Variants in ANO2 observed in about 807,000 individuals in gnomAD.
ANO2 encodes anoctamin-2.
In ANO2, 101 loss-of-function variants were observed where a neutral mutation model predicts 124.2. The ratio of observed to expected loss-of-function variants is 0.81; its 90% confidence interval spans 0.69 to 0.96. The LOEUF is 0.96. Among genes scored for constraint, ANO2 ranks in the 40% least tolerant of loss-of-function variants. The pLI, the probability that ANO2 is intolerant of heterozygous loss-of-function variation, is 0.00. For synonymous variants in ANO2, 486 were observed against 482.5 expected, an observed-to-expected ratio of 1.01 and a Z score of -0.09; for missense variants, 1,293 against 1,274.5, an observed-to-expected ratio of 1.01 and a Z score of -0.22.
intron 1 of ANO2, among the ~76,000 whole-genome samples, chr12:5,939,544 T>C (rs1342832675): frequency 6.6e-6 from 1 of 152,198 alleles, no homozygotes; most frequent in African/African-American, 2.4e-5. Context: ...TGGGAAAGGC[T>C]CTGTTGAGCA....
chr12:5,575,434 C>T (rs1163473980), intron 23 of ANO2, among the ~76,000 whole-genome samples: 1 of 152,140 alleles, frequency 6.6e-6, no homozygotes, highest in Non-Finnish European at 1.5e-5. Flanking sequence ...TGTTGCTTAA[C>T]GATGGGGATA....
At chr12:5,893,974 G>A (rs1939597856) in intron 3 of ANO2, among the ~76,000 whole-genome samples, 1 of 152,026 alleles carries the variant, frequency 6.6e-6, no homozygotes, top group Non-Finnish European at 1.5e-5. Context: ...CTTTATAGTA[G>A]AACAATTTAT....
chr12:5,612,959 C>T lies in ANO2; in HGVS notation c.1929-1G>A. 6.2e-7 allele frequency: 1 copy of T among 1,613,918 alleles called. No individual in the cohort carries two copies. The highest frequency in any genetic ancestry group is 8.5e-7 in the Non-Finnish European group (1 of 1,179,850). ...GTAGCTTCCAGGCCTGCCCACAAAC[C>T]TGAAATCAAACAGTGTGGGAAGAGT... On this transcript the variant is annotated splice_acceptor_variant, in intron 17 of 24. Transcript: ENST00000682330. LOFTEE classifies it high-confidence loss of function.
intron 14 of ANO2, among the ~76,000 whole-genome samples, chr12:5,664,023 T>C (rs921406807): frequency 9.9e-5 from 15 of 152,196 alleles, no homozygotes; most frequent in Non-Finnish European, 1.5e-5. Context: ...GGCCAGGATA[T>C]TATGGAAGCA....
intron 23 of ANO2, among the ~76,000 whole-genome samples, chr12:5,572,572 TTGTC>T (rs1348673305): frequency 2.6e-5 from 4 of 152,234 alleles, no homozygotes; most frequent in Non-Finnish European, 4.4e-5. Context: ...TGTTTACTTA[TTGTC>T]TGCTCCATCT....
chr12:5,889,357 C>T (rs915455995), intron 3 of ANO2, among the ~76,000 whole-genome samples: 4 of 152,268 alleles, frequency 2.6e-5, no homozygotes, highest in Admixed American at 2.0e-4. Context: ...CGAGAGCGAG[C>T]GAGGGCTGCA....
intron 7 of ANO2, among the ~76,000 whole-genome samples, chr12:5,818,070 A>T (rs1436905518): frequency 1.3e-5 from 2 of 152,152 alleles, no homozygotes; most frequent in Non-Finnish European, 2.9e-5. Flanking sequence ...AGAAGAAAAA[A>T]ACATGAACTA....
chr12:5,897,436 G>A (rs1939866053), intron 3 of ANO2, among the ~76,000 whole-genome samples: 1 of 152,240 alleles, frequency 6.6e-6, no homozygotes, highest in Admixed American at 6.5e-5. Context: ...GCAGATTGGA[G>A]TAGGCTGAGT....
chr12:5,730,210 G>A (rs1166217344), intron 14 of ANO2, among the ~76,000 whole-genome samples: 1 of 152,010 alleles, frequency 6.6e-6, no homozygotes. Context: ...ATTGAATTGT[G>A]CACTTTAAAT....
intron 13 of ANO2, among the ~76,000 whole-genome samples, chr12:5,735,680 C>T (rs193053063): frequency 6.6e-6 from 1 of 152,216 alleles, no homozygotes; most frequent in Admixed American, 6.5e-5. Context: ...ACACAAAAGC[C>T]GAGAAGACAG....
chr12:5,744,093 G>A, intron 12 of ANO2, 64 bp downstream of exon 12: 1 of 1,592,482 alleles, frequency 6.3e-7, no homozygotes, highest in Admixed American at 1.7e-5. Flanking sequence ...GAGCTTTACA[G>A]CTTGGTCACT....
intron 15 of ANO2, among the ~76,000 whole-genome samples, chr12:5,640,265 G>A (rs1051778619): frequency 4.6e-5 from 7 of 152,142 alleles, no homozygotes; most frequent in African/African-American, 1.4e-4. Flanking sequence ...TCAAGCACAG[G>A]GGTGAAGAAA....
intron 10 of ANO2, among the ~76,000 whole-genome samples, chr12:5,756,795 C>G (rs1951596778): frequency 2.0e-5 from 3 of 152,350 alleles, no homozygotes; most frequent in South Asian, 2.1e-4. Context: ...TTTCCATGAG[C>G]AGTCAAGTTT....
chr12:5,939,609 C>T (rs746317043), intron 1 of ANO2, among the ~76,000 whole-genome samples: 10 of 152,276 alleles, frequency 6.6e-5, no homozygotes, highest in East Asian at 1.9e-4. Context: ...ACTGGGTTAA[C>T]GCTCTTATAA....
rs769233593 is a variant in ANO2 at position 5,916,491 on chromosome 12, T to TAAAAAAAAAAAAAAAAAAAAAA, written c.534+4548_534+4549insTTTTTTTTTTTTTTTTTTTTTT. 7.1e-5 allele frequency among the ~76,000 whole-genome samples: 7 copies of TAAAAAAAAAAAAAAAAAAAAAA among 98,124 alleles called. 1 individual carries two copies. Among genetic ancestry groups the TAAAAAAAAAAAAAAAAAAAAAA allele is most frequent in the East Asian group, 5.0e-4 (2 of 4,008 alleles). The allele number at this position is 98,124 out of a possible 152,430, so 64.4% of individuals were successfully genotyped here. A position where few individuals can be genotyped will look rare whatever the true frequency, so the allele number is the denominator to read the frequency against. ...CTCTGAATAGAAAAATCGCAGCAGGTTAAAAAAAAAAAAAAAAAAAAAGGC... is the reference window on the plus strand; with the variant it reads ...CTCTGAATAGAAAAATCGCAGCAGGTAAAAAAAAAAAAAAAAAAAAAATAAAAAAAAAAAAAAAAAAAAAGGC... On this transcript the variant is annotated intron_variant, in intron 3 of 24. Transcript: ENST00000682330.
chr12:5,642,405 G>A (rs1946430831), intron 15 of ANO2, among the ~76,000 whole-genome samples: 1 of 152,044 alleles, frequency 6.6e-6, no homozygotes, highest in Non-Finnish European at 1.5e-5. Context: ...CAGATTTTGG[G>A]CTGCTCAGGA....
chr12:5,759,724 G>A (rs566365175), intron 10 of ANO2, among the ~76,000 whole-genome samples: 3 of 151,376 alleles, frequency 2.0e-5, no homozygotes, highest in African/African-American at 7.3e-5. Context: ...TATCTTCCAC[G>A]AAACTGATCC....
chr12:5,763,392 T>C (rs988352184), intron 10 of ANO2, among the ~76,000 whole-genome samples: 7 of 152,080 alleles, frequency 4.6e-5, no homozygotes, highest in Admixed American at 6.5e-5. Context: ...TAAAATGGTA[T>C]ATACTATAGA....
intron 14 of ANO2, among the ~76,000 whole-genome samples, chr12:5,690,808 T>A (rs553866405): frequency 6.6e-6 from 1 of 152,086 alleles, no homozygotes; most frequent in African/African-American, 2.4e-5. Flanking sequence ...TGTCACCCCA[T>A]CCTGAGCATA....
Sources: allele counts gnomAD v4.1 joint callset (sites outside exome capture counted in the v4.1 genomes callset), GRCh38; gene constraint gnomAD v4.1.1; transcripts MANE v1.5; gene names NCBI Gene and HGNC (gene_info 2026-07-23, HGNC 2026-07-21).